FRMD4A: variants seen among roughly 807,000 people sequenced by gnomAD.
FRMD4A encodes the protein FERM domain-containing protein 4A.
In FRMD4A, 29 loss-of-function variants were observed where a neutral mutation model predicts 129.1. The observed-to-expected ratio is 0.22, with a 90% CI of 0.17 to 0.31. The LOEUF (loss-of-function observed/expected upper bound fraction) is 0.31. Among genes scored for constraint, FRMD4A ranks in the 10% least tolerant of loss-of-function variants. The pLI is 1.00. For synonymous variants in FRMD4A, 634 were observed against 571.6 expected (o/e 1.11, Z -1.56); for missense variants, 1,272 against 1,375.8 (o/e 0.92, Z 1.19).
chr10:13,886,792 G>A (rs559569427), intron 2 of FRMD4A, among the ~76,000 whole-genome samples: 6 of 152,094 alleles, frequency 3.9e-5, no homozygotes, highest in Non-Finnish European at 5.9e-5. Flanking sequence ...GTTGGAGTGC[G>A]GTCTGCTACA....
intron 9 of FRMD4A, among the ~76,000 whole-genome samples, chr10:13,744,213 G>A (rs1340820613): frequency 6.6e-6 from 1 of 152,072 alleles, no homozygotes; most frequent in Non-Finnish European, 1.5e-5. Context: ...ATACCTTATT[G>A]AGGCGATAGG....
intron 6 of FRMD4A, among the ~76,000 whole-genome samples, chr10:13,774,839 A>T (rs560961586): frequency 6.6e-6 from 1 of 152,302 alleles, no homozygotes; most frequent in African/African-American, 2.4e-5. Flanking sequence ...ACATAGAATA[A>T]TAATGATAAC....
chr10:13,973,164 T>A (rs974207034), intron 2 of FRMD4A, among the ~76,000 whole-genome samples: 1 of 152,214 alleles, frequency 6.6e-6, no homozygotes, highest in Non-Finnish European at 1.5e-5. Flanking sequence ...TTAAAGTGGA[T>A]AATAAAGACC....
chr10:13,999,853 C>T (rs980777218), intron 2 of FRMD4A, among the ~76,000 whole-genome samples: 5 of 152,116 alleles, frequency 3.3e-5, no homozygotes, highest in Non-Finnish European at 5.9e-5. Context: ...CACGGATGTT[C>T]GTCTGCATAC....
intron 19 of FRMD4A, 147 bp from the exon 20 acceptor site, chr10:13,660,700 T>C: frequency 3.5e-6 from 2 of 570,940 alleles, no homozygotes; most frequent in East Asian, 2.8e-5. Flanking sequence ...CTGAAACTCT[T>C]CCCCAGTTGC....
chr10:13,844,531 G>A (rs560684471), intron 3 of FRMD4A, among the ~76,000 whole-genome samples: 1 of 152,126 alleles, frequency 6.6e-6, no homozygotes, highest in African/African-American at 2.4e-5. Context: ...CCAACATCCG[G>A]CCCACTTTAT....
At chr10:13,974,362 G>T (rs911349636) in intron 2 of FRMD4A, among the ~76,000 whole-genome samples, 7 of 152,056 alleles carry the variant, frequency 4.6e-5, no homozygotes, top group Non-Finnish European at 8.8e-5. Flanking sequence ...TGCTTTAGTG[G>T]GGCTTGCTCT....
At chr10:14,007,051 T>A (rs79199804) in intron 2 of FRMD4A, 7 of 152,040 alleles carry the variant, frequency 4.6e-5, no homozygotes, top group South Asian at 4.1e-4. Flanking sequence ...TTTTTTTTTT[T>A]AAATAAAACA....
At chr10:14,034,345 C>T (rs564863975) in intron 2 of FRMD4A, among the ~76,000 whole-genome samples, 3 of 152,140 alleles carry the variant, frequency 2.0e-5, no homozygotes, top group Non-Finnish European at 2.9e-5. Flanking sequence ...AATCCAGAGA[C>T]GCACGTCCCT....
In FRMD4A at chr10:14,228,161, C is replaced by T. The variant is rs573632425; in HGVS notation, c.45+101897G>A. Among the ~76,000 whole-genome samples, 4 of 152,234 alleles carry T rather than the reference C, an allele frequency of 2.6e-5. No homozygotes were observed. The South Asian group carries it at 6.2e-4, about 24-fold the overall frequency. On this transcript the variant is annotated intron_variant, in intron 2 of 24. Coordinates refer to ENST00000357447, the MANE Select transcript of FRMD4A (RefSeq NM_018027.5). ...TGCTGGGATTACAGGTGTGAGCCAC[C>T]GCACCCAGCATAGAAGTTTTAATCA...
At chr10:13,984,501 AC>A (rs1342244287) in intron 2 of FRMD4A, among the ~76,000 whole-genome samples, 4 of 152,016 alleles carry the variant, frequency 2.6e-5, no homozygotes, top group Non-Finnish European at 4.4e-5. Flanking sequence ...AGATTGCAAA[AC>A]CGACCTCTGT....
intron 16 of FRMD4A, among the ~76,000 whole-genome samples, chr10:13,671,880 C>G (rs776252490): frequency 6.6e-6 from 1 of 152,264 alleles, no homozygotes; most frequent in Non-Finnish European, 1.5e-5. Flanking sequence ...GCAGATGCTG[C>G]ACAAAGACTG....
intron 2 of FRMD4A, among the ~76,000 whole-genome samples, chr10:13,881,993 GTGTGTGTGTGTGTGTGTGTGTGTGTGT>G (rs2094552214): frequency 6.8e-6 from 1 of 146,194 alleles, no homozygotes; most frequent in Non-Finnish European, 1.5e-5. Context: ...AGGCAAGGGT[GTGTGTGTGTGTGTGTGTGTGTGTGTGT>G]GTGTGTGTGT....
intron 2 of FRMD4A, among the ~76,000 whole-genome samples, chr10:14,068,339 T>C (rs898387035): frequency 6.6e-6 from 1 of 152,240 alleles, no homozygotes; most frequent in African/African-American, 2.4e-5. Context: ...GAAATGGTTA[T>C]GCCTAAGAAC....
chr10:13,886,486 G>A (rs1180613318), intron 2 of FRMD4A, among the ~76,000 whole-genome samples: 1 of 152,196 alleles, frequency 6.6e-6, no homozygotes, highest in East Asian at 1.9e-4. Flanking sequence ...CCATACCACA[G>A]CACAGACTAA....
At chr10:13,657,900 G>A (rs989352766) in intron 21 of FRMD4A, among the ~76,000 whole-genome samples, 1 of 151,242 alleles carries the variant, frequency 6.6e-6, no homozygotes, top group African/African-American at 2.4e-5. Flanking sequence ...TAATCCCAGT[G>A]CTTCAGGAGG....
chr10:14,114,611 G>C (rs1838103076), intron 2 of FRMD4A, among the ~76,000 whole-genome samples: 1 of 152,186 alleles, frequency 6.6e-6, no homozygotes, highest in African/African-American at 2.4e-5. Context: ...GGGCGTGGAG[G>C]AAGACTCAAT....
chr10:14,252,698 A>G (rs988662797), intron 2 of FRMD4A, among the ~76,000 whole-genome samples: 1 of 152,268 alleles, frequency 6.6e-6, no homozygotes, highest in Non-Finnish European at 1.5e-5. Context: ...TATATGCCAC[A>G]TATCTCTACC....
intron 2 of FRMD4A, among the ~76,000 whole-genome samples, chr10:14,285,420 A>G (rs960302458): frequency 1.9e-4 from 29 of 152,344 alleles, no homozygotes; most frequent in African/African-American, 6.5e-4. Context: ...CACTGGAGGC[A>G]TTGGGGTAGG....
Sources: allele counts gnomAD v4.1 joint callset (sites outside exome capture counted in the v4.1 genomes callset), GRCh38; gene constraint gnomAD v4.1.1; transcripts MANE v1.5; gene names NCBI Gene and HGNC (gene_info 2026-07-23, HGNC 2026-07-21).